The following IGFL2 variants were observed in gnomAD, a reference collection of about 807,000 sequenced individuals.
IGFL2 encodes insulin growth factor-like family member 2.
A neutral mutation model predicts 13.9 loss-of-function variants in IGFL2; 7 were observed. The ratio of observed to expected loss-of-function variants is 0.51; its 90% CI spans 0.29 to 0.95. The LOEUF (loss-of-function observed/expected upper bound fraction) is 0.95, where lower values mean the gene tolerates loss of function less well. IGFL2 is among the 40% of genes least tolerant of loss of function. The probability of loss-of-function intolerance (pLI) is 0.08; values close to 1 mark genes in which losing one functional copy is unlikely to be tolerated. For missense variants in IGFL2, 138 were observed against 147.8 expected, an observed-to-expected ratio of 0.93 and a Z score of 0.34; for synonymous variants, 55 against 55.8, an observed-to-expected ratio of 0.99 and a Z score of 0.07.
chr19:46,124,551 A>T, the IGFL2 span: 1 of 1,366,586 alleles, frequency 7.3e-7, no homozygotes, highest in Non-Finnish European at 1.0e-6. Flanking sequence ...ATAAAGAGGA[A>T]TAAATCGGGT....
At chr19:46,212,959 G>A in the IGFL2 span, 2 of 152,308 alleles carry the variant, frequency 1.3e-5, no homozygotes, top group African/African-American at 4.8e-5. Context: ...ACCTGTGAAA[G>A]TCAGGTGCCT....
chr19:46,208,463 T>C, the IGFL2 span: 3 of 152,154 alleles, frequency 2.0e-5, no homozygotes, highest in Non-Finnish European at 2.9e-5. Flanking sequence ...TCTCTTTAGC[T>C]CAAGGTGTTG....
the IGFL2 span, chr19:46,112,037 G>A: frequency 6.6e-6 from 1 of 152,174 alleles, no homozygotes; most frequent in African/African-American, 2.4e-5. Context: ...CTGCAGAATA[G>A]ACTCTACGAC....
At chr19:46,129,304 C>CG in the IGFL2 span, among the ~76,000 whole-genome samples, 1 of 118,328 alleles carries the variant, frequency 8.5e-6, no homozygotes, top group African/African-American at 3.2e-5. Flanking sequence ...ATTTGTTGAT[C>CG]TTTTGTGTGT....
the IGFL2 span, among the ~76,000 whole-genome samples, chr19:46,186,777 G>A: frequency 6.6e-6 from 1 of 152,214 alleles, no homozygotes; most frequent in African/African-American, 2.4e-5. Flanking sequence ...CTTCCCTAAA[G>A]TGTACAATTG....
At chr19:46,183,537 C>CT in the IGFL2 span, among the ~76,000 whole-genome samples, 2,077 of 137,734 alleles carry the variant, frequency 0.015, 53 homozygotes, top group African/African-American at 0.049. Context: ...TTTCTGCAGA[C>CT]TTTTTTTTTT....
intron 2 of IGFL2, 57 bp downstream of exon 2, chr19:46,160,525 C>A: frequency 6.2e-7 from 1 of 1,611,610 alleles, no homozygotes; most frequent in Non-Finnish European, 8.5e-7. Context: ...GGAAAGTGGG[C>A]ATGGGGGTTC....
chr19:46,098,631 A>AC, the IGFL2 span, among the ~76,000 whole-genome samples: 1 of 152,024 alleles, frequency 6.6e-6, no homozygotes, highest in Non-Finnish European at 1.5e-5. Context: ...GGTGCATGCC[A>AC]CCATGCCTGG....
the IGFL2 span, among the ~76,000 whole-genome samples, chr19:46,083,703 G>T: frequency 1.3e-5 from 2 of 152,166 alleles, no homozygotes; most frequent in African/African-American, 2.4e-5. Flanking sequence ...GGACAGAAGA[G>T]TCACAAAGAG....
chr19:46,194,683 G>A, the IGFL2 span, among the ~76,000 whole-genome samples: 2 of 151,542 alleles, frequency 1.3e-5, no homozygotes, highest in Non-Finnish European at 2.9e-5. Context: ...TCAGCCAGAC[G>A]TGGTCACGGG....
chr19:46,157,973 C>T (rs368048981), intron 1 of IGFL2, among the ~76,000 whole-genome samples: 3 of 152,212 alleles, frequency 2.0e-5, no homozygotes, highest in Non-Finnish European at 2.9e-5. Context: ...AAAAATCAAT[C>T]GTGTTTCTTT....
chr19:46,183,181 G>A, the IGFL2 span, among the ~76,000 whole-genome samples: 18 of 152,186 alleles, frequency 1.2e-4, no homozygotes, highest in East Asian at 2.9e-3. Context: ...GACGGGGGAC[G>A]TGCCACATTT....
At chr19:46,205,709 A>G in the IGFL2 span, among the ~76,000 whole-genome samples, 13,858 of 152,192 alleles carry the variant, frequency 0.091, 878 homozygotes, top group Non-Finnish European at 0.14. Context: ...TTGGTTTGAG[A>G]CAATGAACCT....
intron 1 of IGFL2, chr19:46,148,763 T>C (rs1689523031): frequency 1.3e-5 from 13 of 1,035,680 alleles, no homozygotes; most frequent in Non-Finnish European, 1.8e-5. Context: ...ATTATAGCAC[T>C]GTGGATAGGG....
At chr19:46,195,201 G>C in the IGFL2 span, 1 of 151,752 alleles carries the variant, frequency 6.6e-6, no homozygotes, top group South Asian at 2.1e-4. Flanking sequence ...TTTTTTGGTA[G>C]AGACAGAGTT....
chr19:46,142,856 C>T (rs1972920223), upstream of IGFL2, among the ~76,000 whole-genome samples: 1 of 152,206 alleles, frequency 6.6e-6, no homozygotes, highest in Non-Finnish European at 1.5e-5. Flanking sequence ...GCTTTTGATA[C>T]AGATAATCTC....
downstream of IGFL2, among the ~76,000 whole-genome samples, chr19:46,163,103 C>A (rs2146898831): frequency 6.6e-6 from 1 of 152,298 alleles, no homozygotes; most frequent in South Asian, 2.1e-4. Flanking sequence ...GGGGTGTGAT[C>A]CAGCAGGTGG....
the IGFL2 span, chr19:46,210,243 C>T: frequency 6.6e-6 from 1 of 152,020 alleles, no homozygotes; most frequent in African/African-American, 2.4e-5. Context: ...CTGACCTCAG[C>T]CTTGGTGTTC....
the IGFL2 span, chr19:46,111,249 C>G: frequency 6.6e-6 from 1 of 152,416 alleles, no homozygotes; most frequent in Non-Finnish European, 1.5e-5. Flanking sequence ...CTTGCAGTAC[C>G]ATTCTTTGTT....
Sources: gnomAD v4.1 joint callset for allele counts (sites outside exome capture counted in the v4.1 genomes callset) on GRCh38, gnomAD v4.1.1 for gene constraint, MANE v1.5 for transcripts, NCBI Gene and HGNC (gene_info 2026-07-23, HGNC 2026-07-21) for gene names.